RETREG3: variants seen among roughly 807,000 people sequenced by gnomAD.
The protein encoded by RETREG3 is reticulophagy regulator 3.
RETREG3 carries 23 observed loss-of-function variants against 50.2 expected under a neutral mutation model. The observed-to-expected ratio is 0.46, with a 90% CI of 0.33 to 0.65. The LOEUF is 0.65. RETREG3 is among the 30% of genes least tolerant of loss of function. RETREG3 has a pLI of 0.02. For synonymous variants in RETREG3, 240 were observed against 234.4 expected, an observed-to-expected ratio of 1.02 and a Z score of -0.22; for missense variants, 546 against 598.0, an observed-to-expected ratio of 0.91 and a Z score of 0.91.
At chr17:42,594,374 G>A (rs1020085716) in intron 1 of RETREG3, among the ~76,000 whole-genome samples, 2 of 152,106 alleles carry the variant, frequency 1.3e-5, no homozygotes, top group African/African-American at 4.8e-5. Flanking sequence ...TGGACAACAT[G>A]GCGAAACCCT....
At chr17:42,582,898 T>C (rs1419165559) in intron 7 of RETREG3, 92 bp from the exon 8 acceptor site, 5 of 1,498,454 alleles carry the variant, frequency 3.3e-6, no homozygotes, top group Non-Finnish European at 4.6e-6. Context: ...GCATTAGTTA[T>C]CCGAAGGCCA....
chr17:42,600,084 T>C (rs1442885796), intron 1 of RETREG3, among the ~76,000 whole-genome samples: 2 of 151,066 alleles, frequency 1.3e-5, no homozygotes, highest in African/African-American at 4.9e-5. Context: ...AAACAACAAA[T>C]AAAACCACAC....
chr17:42,608,041 G>A (rs2093171561), intron 1 of RETREG3, among the ~76,000 whole-genome samples: 2 of 152,172 alleles, frequency 1.3e-5, no homozygotes, highest in South Asian at 2.1e-4. Context: ...AAATCTTTCA[G>A]ATAAAGGATA....
chr17:42,595,454 T>C (rs1377544012), intron 1 of RETREG3, among the ~76,000 whole-genome samples: 1 of 150,902 alleles, frequency 6.6e-6, no homozygotes, highest in Non-Finnish European at 1.5e-5. Context: ...TGGAGTGCAG[T>C]GGCACGATCT....
At chr17:42,590,345 C>T (rs2093130127) in intron 2 of RETREG3, among the ~76,000 whole-genome samples, 2 of 151,882 alleles carry the variant, frequency 1.3e-5, no homozygotes, top group Admixed American at 6.6e-5. Context: ...TACTCCAAAA[C>T]CTGGACAACA....
At chr17:42,589,975 C>T (rs2093129252) in intron 2 of RETREG3, among the ~76,000 whole-genome samples, 1 of 152,114 alleles carries the variant, frequency 6.6e-6, no homozygotes, top group Non-Finnish European at 1.5e-5. Context: ...CCAAGGCACG[C>T]GGATCACTTG....
At chr17:42,591,989 AC>A in intron 2 of RETREG3, 66 bp downstream of exon 2, 1 of 1,366,796 alleles carries the variant, frequency 7.3e-7, no homozygotes, top group Non-Finnish European at 1.0e-6. Context: ...AACCCCTAAT[AC>A]TAAAGGTACA....
intron 1 of RETREG3, among the ~76,000 whole-genome samples, chr17:42,596,350 A>C (rs1597739055): frequency 9.1e-6 from 1 of 110,392 alleles, no homozygotes. Context: ...CAAATCTGAG[A>C]CCCTTTCTCA....
Position 42,609,066 on chromosome 17 carries a change from C to T in RETREG3, c.239+20G>A, listed in dbSNP as rs200688608. On this transcript the variant is annotated intron_variant, in intron 1 of 8. Coordinates refer to ENST00000309428, the MANE Select transcript of RETREG3 (RefSeq NM_178126.4). ...ACGAATTCGGGACTCGGAGGGTTTC[C>T]GAGGGTCCAGTTCTCTCACCAGAAA... is the stretch of plus-strand genomic sequence containing the variant. The T allele has an allele frequency of 6.3e-7, 1 of 1,598,964 alleles. No individual in the cohort carries two copies. Among genetic ancestry groups the T allele is most frequent in the Non-Finnish European group, 8.5e-7 (1 of 1,177,554 alleles).
In RETREG3 at chr17:42,582,936, G is replaced by A. The variant is rs935422597; in HGVS notation, c.811-130C>T. 3.4e-6 allele frequency: 4 copies of A among 1,193,394 alleles called. No homozygotes were observed. The African/African-American group carries it at 6.1e-5, about 18-fold the overall frequency. 73.9% of individuals were successfully genotyped at this position (1,193,394 alleles called of 1,614,324 possible). A position where few individuals can be genotyped will look rare whatever the true frequency, so the allele number is the denominator to read the frequency against. ...AAATCAATGTAACCAGGGATAGATG[G>A]TAACTTCCCGTTGAAAACTCCCTCT... On this transcript the variant is annotated intron_variant, in intron 7 of 8. Transcript: ENST00000309428.
chr17:42,588,176 C>T (rs531215179), intron 2 of RETREG3, among the ~76,000 whole-genome samples: 7 of 152,328 alleles, frequency 4.6e-5, no homozygotes, highest in Admixed American at 2.0e-4. Flanking sequence ...TTGAGTGTGT[C>T]TGGGATACCC....
chr17:42,609,356 T>A lies in RETREG3; in HGVS notation c.-32A>T. On this transcript the variant is annotated 5_prime_UTR_variant, in exon 1 of 9. Transcript: ENST00000309428. ...GCGGCAGCCACAACATCCGGGGCCGTGGCCCGACAAGTCACAATAACAGCA... is the reference window on the plus strand; with the variant it reads ...GCGGCAGCCACAACATCCGGGGCCGAGGCCCGACAAGTCACAATAACAGCA... The A allele has an allele frequency of 6.3e-7, 1 of 1,577,750 alleles. No homozygotes were observed. The highest frequency in any genetic ancestry group is 1.1e-5 in the South Asian group (1 of 89,388).
rs369853902 is a variant in RETREG3 at position 42,581,038 on chromosome 17, CA to C, written c.*774del. On this transcript the variant is annotated 3_prime_UTR_variant, in exon 9 of 9. Coordinates refer to ENST00000309428, the MANE Select transcript of RETREG3 (RefSeq NM_178126.4). ...TGGGCAACAGAGAGAGACTCTGTCTCAAAAAAAAAAAAAAGAAAAGAAAAGA... is the reference window on the plus strand; with the variant it reads ...TGGGCAACAGAGAGAGACTCTGTCTCAAAAAAAAAAAAAGAAAAGAAAAGA... The C allele has an allele frequency of 2.9e-4, 29 of 99,488 alleles. No individual in the cohort carries two copies. Among genetic ancestry groups the C allele is most frequent in the African/African-American group, 9.7e-4 (25 of 25,684 alleles). 6.2% of individuals were successfully genotyped at this position (99,488 alleles called of 1,614,324 possible). A position where few individuals can be genotyped will look rare whatever the true frequency, so the allele number is the denominator to read the frequency against.
chr17:42,602,531 T>C (rs977766985), intron 1 of RETREG3, among the ~76,000 whole-genome samples: 6 of 152,292 alleles, frequency 3.9e-5, no homozygotes, highest in African/African-American at 1.4e-4. Flanking sequence ...TGGAAAAGCT[T>C]CTTAAGTGGC....
intron 1 of RETREG3, among the ~76,000 whole-genome samples, chr17:42,605,020 A>G (rs993675902): frequency 6.6e-6 from 1 of 152,080 alleles, no homozygotes; most frequent in African/African-American, 2.4e-5. Context: ...ACAATAACAG[A>G]TCAGTGACCA....
chr17:42,586,213 A>G (rs1278781721), intron 4 of RETREG3, 76 bp from the exon 5 acceptor site: 1 of 1,356,206 alleles, frequency 7.4e-7, no homozygotes, highest in Non-Finnish European at 1.1e-6. Context: ...GTTAGGGTAG[A>G]GATATGACAG....
chr17:42,589,476 T>C (rs544327589), intron 2 of RETREG3, among the ~76,000 whole-genome samples: 2 of 152,182 alleles, frequency 1.3e-5, no homozygotes, highest in Non-Finnish European at 2.9e-5. Context: ...CCTGTTGTCT[T>C]GGCTGGAGTA....
chr17:42,602,177 C>T (rs1041565837), intron 1 of RETREG3, among the ~76,000 whole-genome samples: 10 of 151,866 alleles, frequency 6.6e-5, no homozygotes, highest in African/African-American at 2.2e-4. Flanking sequence ...TCAGCCAAGA[C>T]ATGGTGGTGC....
At chr17:42,592,223 G>T in intron 1 of RETREG3, 61 bp from the exon 2 acceptor site, 1 of 1,418,190 alleles carries the variant, frequency 7.1e-7, no homozygotes. Flanking sequence ...TTCAGAAAAG[G>T]CCACGTGTGT....
Sources: allele counts gnomAD v4.1 joint callset (sites outside exome capture counted in the v4.1 genomes callset), GRCh38; gene constraint gnomAD v4.1.1; transcripts MANE v1.5; gene names NCBI Gene and HGNC (gene_info 2026-07-23, HGNC 2026-07-21).